CSGALNACT1: variants seen among roughly 807,000 people sequenced by gnomAD.
CSGALNACT1 encodes beta4GalNAcT-1.
CSGALNACT1 carries 52 observed loss-of-function variants against 51.0 expected under a neutral mutation model. That is an observed-to-expected ratio of 1.02 (90% CI 0.82 to 1.29). The LOEUF (loss-of-function observed/expected upper bound fraction) is 1.29, where lower values mean the gene tolerates loss of function less well. CSGALNACT1 is among the 50% of genes most tolerant of loss of function. The pLI is 0.00. For synonymous variants in CSGALNACT1, 341 were observed against 254.4 expected (o/e 1.34, Z -3.24); for missense variants, 935 against 679.2 (o/e 1.38, Z -4.19).
intron 1 of CSGALNACT1, among the ~76,000 whole-genome samples, chr8:19,753,810 T>C (rs1465493567): frequency 6.6e-6 from 1 of 152,262 alleles, no homozygotes; most frequent in Non-Finnish European, 1.5e-5. Flanking sequence ...ATATACATTG[T>C]CAGTAATTTT....
chr8:19,533,275 C>T (rs931977498), intron 3 of CSGALNACT1, among the ~76,000 whole-genome samples: 1 of 151,970 alleles, frequency 6.6e-6, no homozygotes, highest in Non-Finnish European at 1.5e-5. Flanking sequence ...TACCACCACA[C>T]CTAGCTAATT....
intron 1 of CSGALNACT1, among the ~76,000 whole-genome samples, chr8:19,616,377 T>A (rs1026385218): frequency 2.6e-5 from 4 of 151,832 alleles, no homozygotes; most frequent in Non-Finnish European, 4.4e-5. Context: ...ACAAATACCA[T>A]CCCAAGGTAC....
chr8:19,727,530 G>A (rs1217881537), intron 1 of CSGALNACT1, among the ~76,000 whole-genome samples: 1 of 152,024 alleles, frequency 6.6e-6, no homozygotes, highest in African/African-American at 2.4e-5. Context: ...TTTGTATTTT[G>A]TGTAGAGATG....
At chr8:19,633,067 G>A (rs535374766) in intron 1 of CSGALNACT1, among the ~76,000 whole-genome samples, 13 of 151,744 alleles carry the variant, frequency 8.6e-5, no homozygotes, top group East Asian at 3.9e-4. Flanking sequence ...CTGAGCCACC[G>A]TGCCCAGCTG....
At chr8:19,726,594 A>C (rs2063414053) in intron 1 of CSGALNACT1, among the ~76,000 whole-genome samples, 2 of 152,192 alleles carry the variant, frequency 1.3e-5, no homozygotes, top group African/African-American at 4.8e-5. Context: ...GAGAACATTT[A>C]AGATCTACTC....
chr8:19,624,835 C>T (rs1195457254), intron 1 of CSGALNACT1, among the ~76,000 whole-genome samples: 1 of 152,230 alleles, frequency 6.6e-6, no homozygotes, highest in African/African-American at 2.4e-5. Flanking sequence ...TACACCACCA[C>T]GCCCAGCTAA....
intron 1 of CSGALNACT1, chr8:19,682,410 C>T (rs1040453414): frequency 2.1e-5 from 7 of 340,254 alleles, no homozygotes; most frequent in Non-Finnish European, 3.5e-5. Context: ...TCCCAGCACT[C>T]CCCAAACAGA....
In CSGALNACT1 at chr8:19,581,630, A is replaced by C. The variant is rs188898156; in HGVS notation, c.-297+9530T>G. Among the ~76,000 whole-genome samples, 114 of 152,302 alleles carry C rather than the reference A, an allele frequency of 7.5e-4. 1 individual carries two copies. Among genetic ancestry groups the C allele is most frequent in the Non-Finnish European group, 1.2e-4 (8 of 68,034 alleles). On this transcript the variant is annotated intron_variant, in intron 3 of 9. Transcript: ENST00000454498. ...AAAAACAAAACAAAACAAAACAAAA[A>C]AAACTGGCACTTACTGTATAAAAAT...
chr8:19,451,225 G>T (rs369067609), intron 5 of CSGALNACT1, among the ~76,000 whole-genome samples: 1 of 152,200 alleles, frequency 6.6e-6, no homozygotes, highest in East Asian at 1.9e-4. Context: ...TGAACAGCTG[G>T]AGGACTCTGG....
At chr8:19,541,319 C>T (rs1231697042) in intron 3 of CSGALNACT1, among the ~76,000 whole-genome samples, 2 of 145,328 alleles carry the variant, frequency 1.4e-5, no homozygotes, top group African/African-American at 5.2e-5. Context: ...GGCGTGATCT[C>T]GGCTCACTGC....
In CSGALNACT1 at chr8:19,536,620, C is replaced by T. The variant is rs146847651; in HGVS notation, c.-296-30490G>A. Among the ~76,000 whole-genome samples, 772 of 152,084 alleles carry T rather than the reference C, an allele frequency of 5.1e-3. 10 individuals carry two copies. The highest frequency in any genetic ancestry group is 0.018 in the African/African-American group (744 of 41,490). Reference sequence around the variant, plus strand: ...ATTGATATATAAATTTAATATAACTCCTATAAAAAATCTCAGCAAGATTGC... The same window carrying T: ...ATTGATATATAAATTTAATATAACTTCTATAAAAAATCTCAGCAAGATTGC... On this transcript the variant is annotated intron_variant, in intron 3 of 9. Transcript: ENST00000454498.
chr8:19,663,234 T>C (rs530494266), intron 1 of CSGALNACT1, among the ~76,000 whole-genome samples: 1 of 152,216 alleles, frequency 6.6e-6, no homozygotes, highest in South Asian at 2.1e-4. Context: ...GATGGATTTT[T>C]CCATCTTCCA....
At chr8:19,461,116 A>C (rs2065258751) in intron 4 of CSGALNACT1, among the ~76,000 whole-genome samples, 1 of 152,208 alleles carries the variant, frequency 6.6e-6, no homozygotes, top group South Asian at 2.1e-4. Context: ...GACTGCCCTC[A>C]AAGTCAGGCA....
chr8:19,650,790 T>C (rs2057734746), intron 1 of CSGALNACT1, among the ~76,000 whole-genome samples: 1 of 152,210 alleles, frequency 6.6e-6, no homozygotes, highest in African/African-American at 2.4e-5. Flanking sequence ...GTTTTGGTAA[T>C]GATTTTGGCC....
chr8:19,637,631 C>T (rs767654894), intron 1 of CSGALNACT1, among the ~76,000 whole-genome samples: 9 of 152,190 alleles, frequency 5.9e-5, no homozygotes, highest in Non-Finnish European at 1.3e-4. Flanking sequence ...TCTAATGCAG[C>T]ACATCTAGTA....
chr8:19,541,641 G>A (rs1250870895), intron 3 of CSGALNACT1, among the ~76,000 whole-genome samples: 1 of 143,422 alleles, frequency 7.0e-6, no homozygotes, highest in Non-Finnish European at 1.5e-5. Flanking sequence ...CTCAGGTGAT[G>A]CACCCTGTGT....
chr8:19,682,682 C>T (rs1410884866), upstream of CSGALNACT1: 3 of 453,992 alleles, frequency 6.6e-6, no homozygotes, highest in Admixed American at 2.4e-5. Flanking sequence ...TGACACAAGT[C>T]TTGGGTTACT....
At chr8:19,454,578 G>T (rs1035887689) in intron 5 of CSGALNACT1, among the ~76,000 whole-genome samples, 1 of 152,152 alleles carries the variant, frequency 6.6e-6, no homozygotes, top group Non-Finnish European at 1.5e-5. Context: ...GGCTGAGGCA[G>T]GAGAATCGCT....
intron 3 of CSGALNACT1, among the ~76,000 whole-genome samples, chr8:19,586,927 A>T (rs547290041): frequency 1.7e-4 from 26 of 152,200 alleles, no homozygotes; most frequent in Non-Finnish European, 2.6e-4. Flanking sequence ...TCTTTGAAAA[A>T]TATCTCACAA....
Sources: allele counts gnomAD v4.1 joint callset (sites outside exome capture counted in the v4.1 genomes callset), GRCh38; gene constraint gnomAD v4.1.1; transcripts MANE v1.5; gene names NCBI Gene and HGNC (gene_info 2026-07-23, HGNC 2026-07-21).